The following WASF2 variants were observed in gnomAD, a reference collection of about 807,000 sequenced individuals.
The protein encoded by WASF2 is actin-binding protein WASF2.
A neutral mutation model predicts 45.0 loss-of-function variants in WASF2; 14 were observed. That is an observed-to-expected ratio of 0.31 (90% CI 0.21 to 0.49). The LOEUF (loss-of-function observed/expected upper bound fraction) is 0.49. Ranked by LOEUF, WASF2 falls within the 20% of genes least tolerant of loss-of-function variation. The pLI, the probability that WASF2 is intolerant of heterozygous loss-of-function variation, is 0.99. For missense variants in WASF2, 439 were observed against 636.1 expected (o/e 0.69, Z 3.33); for synonymous variants, 200 against 236.3 (o/e 0.85, Z 1.41).
chr1:27,416,786 A>C (rs1218309115), intron 4 of WASF2, among the ~76,000 whole-genome samples: 1 of 152,260 alleles, frequency 6.6e-6, no homozygotes, highest in Non-Finnish European at 1.5e-5. Flanking sequence ...TGGCTGTGCC[A>C]GTGGGACAGA....
At chr1:27,456,655 T>C (rs368276537) in intron 1 of WASF2, among the ~76,000 whole-genome samples, 2 of 152,028 alleles carry the variant, frequency 1.3e-5, no homozygotes, top group African/African-American at 4.8e-5. Flanking sequence ...AATAAATAAA[T>C]ACATAATTTG....
In WASF2 at chr1:27,418,315, TG is replaced by T. The variant is rs1313426655; in HGVS notation, c.372del (p.Tyr124Ter). 3 of 1,614,024 alleles carry T rather than the reference TG, an allele frequency of 1.9e-6. No homozygotes were observed. Among genetic ancestry groups the T allele is most frequent in the Non-Finnish European group, 2.5e-6 (3 of 1,180,022 alleles). ...NSLPVPVLET[Y>X]NTCDTPPPLN... ...AGAGGGGGAGGAGTATCACAGGTAT[TG>T]TATGTTTCTAAGACAGGCACTGGGA... On this transcript the variant is annotated frameshift_variant, in exon 4 of 9. Coordinates refer to ENST00000618852, the MANE Select transcript of WASF2 (RefSeq NM_006990.5). LOFTEE classifies it high-confidence loss of function.
chr1:27,419,541 G>C (rs71638524), intron 2 of WASF2, among the ~76,000 whole-genome samples: 2 of 152,188 alleles, frequency 1.3e-5, no homozygotes, highest in South Asian at 2.1e-4. Flanking sequence ...CTTGACCTCG[G>C]GAGGCGGAGG....
rs140375726 is a variant in WASF2 at position 27,417,405 on chromosome 1, T to C, written c.419+864A>G. On this transcript the variant is annotated intron_variant, in intron 4 of 8. Transcript: ENST00000618852. Reference sequence around the variant, plus strand: ...GGACAGATGCCATGTACTTTATATCTGTGTGAGAAGGCTCCCTGAATCTGA... The same window carrying C: ...GGACAGATGCCATGTACTTTATATCCGTGTGAGAAGGCTCCCTGAATCTGA... Among the ~76,000 whole-genome samples the C allele has an allele frequency of 2.9e-3, 448 of 152,352 alleles. 2 individuals carry two copies. Among genetic ancestry groups the C allele is most frequent in the African/African-American group, 0.01 (433 of 41,582 alleles).
rs998812715 is a variant in WASF2 at position 27,407,770 on chromosome 1, A to G, written c.*419T>C. The G allele has an allele frequency of 2.4e-5, 4 of 169,532 alleles. No homozygotes were observed. The highest frequency in any genetic ancestry group is 9.6e-5 in the African/African-American group (4 of 41,480). The allele number at this position is 169,532 out of a possible 1,614,324, so 10.5% of individuals were successfully genotyped here. A position where few individuals can be genotyped will look rare whatever the true frequency, so the allele number is the denominator to read the frequency against. ...GGGGTCAGCTGTGTTCATTCAGACC[A>G]CTCCCCGTTTTAGAACCAGAAGGTG... On this transcript the variant is annotated 3_prime_UTR_variant, in exon 9 of 9. Transcript: ENST00000618852.
intron 1 of WASF2, among the ~76,000 whole-genome samples, chr1:27,432,391 G>A (rs2148113848): frequency 6.6e-6 from 1 of 152,218 alleles, no homozygotes; most frequent in African/African-American, 2.4e-5. Flanking sequence ...GCTCACGCCT[G>A]TAATTCCAGC....
At chr1:27,453,176 G>T (rs547685398) in intron 1 of WASF2, among the ~76,000 whole-genome samples, 155 of 151,888 alleles carry the variant, frequency 1.0e-3, no homozygotes, top group African/African-American at 3.5e-3. Context: ...CTGCACTCCA[G>T]CCTGAGTGAC....
intron 1 of WASF2, among the ~76,000 whole-genome samples, chr1:27,434,230 G>C (rs573371511): frequency 3.7e-4 from 56 of 152,260 alleles, no homozygotes; most frequent in Middle Eastern, 3.4e-3. Flanking sequence ...AGGCACGTTG[G>C]GGGAGAAATT....
chr1:27,447,010 C>T (rs1370896118), intron 1 of WASF2, among the ~76,000 whole-genome samples: 1 of 152,056 alleles, frequency 6.6e-6, no homozygotes, highest in East Asian at 1.9e-4. Context: ...AAATAAATTG[C>T]ATAGCTAAAT....
intron 1 of WASF2, among the ~76,000 whole-genome samples, chr1:27,441,622 C>T (rs185446222): frequency 1.3e-5 from 2 of 151,992 alleles, no homozygotes; most frequent in Non-Finnish European, 1.5e-5. Flanking sequence ...GGCGTGGTGG[C>T]GGGCGCCTGT....
intron 1 of WASF2, among the ~76,000 whole-genome samples, chr1:27,440,085 G>T (rs2017189431): frequency 6.6e-6 from 1 of 152,142 alleles, no homozygotes; most frequent in South Asian, 2.1e-4. Flanking sequence ...AGACGGAAAG[G>T]TTTTTCAAGG....
At chr1:27,412,878 AATTTT>A (rs2016783284) in intron 6 of WASF2, 151 bp from the exon 7 acceptor site, 20 of 860,144 alleles carry the variant, frequency 2.3e-5, no homozygotes, top group South Asian at 1.0e-4. Flanking sequence ...GTTACACTGA[AATTTT>A]ATTTTAAGAC....
At chr1:27,456,939 G>C (rs573472078) in intron 1 of WASF2, among the ~76,000 whole-genome samples, 2 of 151,986 alleles carry the variant, frequency 1.3e-5, no homozygotes, top group African/African-American at 4.8e-5. Flanking sequence ...ATGGTGTTTT[G>C]TCATGTTGGC....
intron 1 of WASF2, among the ~76,000 whole-genome samples, chr1:27,448,439 A>T (rs970623245): frequency 6.6e-6 from 1 of 152,246 alleles, no homozygotes; most frequent in African/African-American, 2.4e-5. Flanking sequence ...AACAAATCAA[A>T]GAAATAAAAA....
chr1:27,467,592 C>A (rs1022147376), intron 1 of WASF2, among the ~76,000 whole-genome samples: 2 of 151,252 alleles, frequency 1.3e-5, no homozygotes, highest in Non-Finnish European at 2.9e-5. Context: ...TGAGCCACCA[C>A]GCCTAGCCAA....
chr1:27,432,078 A>G (rs1158243913), intron 1 of WASF2, among the ~76,000 whole-genome samples: 1 of 152,244 alleles, frequency 6.6e-6, no homozygotes, highest in African/African-American at 2.4e-5. Flanking sequence ...TACAAGAAGC[A>G]TGGAGTTATG....
intron 1 of WASF2, among the ~76,000 whole-genome samples, chr1:27,473,372 C>A (rs1433825841): frequency 6.9e-6 from 1 of 145,642 alleles, no homozygotes; most frequent in Admixed American, 7.1e-5. Context: ...CCCAGCTACT[C>A]GGGAGGCTGA....
At chr1:27,437,647 T>C (rs2017154822) in intron 1 of WASF2, among the ~76,000 whole-genome samples, 1 of 152,212 alleles carries the variant, frequency 6.6e-6, no homozygotes, top group African/African-American at 2.4e-5. Context: ...CAATTTCTAG[T>C]AAAACCCATA....
At chr1:27,487,616 ATAT>A (rs1452695572) in intron 1 of WASF2, among the ~76,000 whole-genome samples, 1 of 98,686 alleles carries the variant, frequency 1.0e-5, no homozygotes, top group Admixed American at 1.6e-4. Context: ...TATATATTAT[ATAT>A]ATTTTATACA....
Sources: allele counts gnomAD v4.1 joint callset (sites outside exome capture counted in the v4.1 genomes callset), GRCh38; gene constraint gnomAD v4.1.1; transcripts MANE v1.5; gene names NCBI Gene and HGNC (gene_info 2026-07-23, HGNC 2026-07-21).